CEP76: variants seen among roughly 807,000 people sequenced by gnomAD.
CEP76 encodes the protein centrosomal protein of 76 kDa.
A neutral mutation model predicts 83.3 loss-of-function variants in CEP76; 55 were observed. The ratio of observed to expected loss-of-function variants is 0.66; its 90% CI spans 0.53 to 0.83. The LOEUF is 0.83. Among genes scored for constraint, CEP76 ranks in the 40% least tolerant of loss-of-function variants. The probability of loss-of-function intolerance (pLI) is 0.00; values close to 1 mark genes in which losing one functional copy is unlikely to be tolerated. For synonymous variants in CEP76, 270 were observed against 274.5 expected (o/e 0.98, Z 0.16); for missense variants, 694 against 799.5 (o/e 0.87, Z 1.59).
intron 9 of CEP76, among the ~76,000 whole-genome samples, chr18:12,678,661 A>C (rs1009656158): frequency 2.0e-5 from 3 of 152,120 alleles, no homozygotes; most frequent in Non-Finnish European, 4.4e-5. Context: ...AACAGAATAC[A>C]TTCTATGTAT....
At chr18:12,699,252 G>A in intron 3 of CEP76, 49 bp from the exon 4 acceptor site, 1 of 1,269,138 alleles carries the variant, frequency 7.9e-7, no homozygotes, top group Non-Finnish European at 1.1e-6. Flanking sequence ...TAACTTAAAA[G>A]AATGTGATCA....
At chr18:12,679,071 C>G (rs1008973677) in intron 9 of CEP76, 1 of 152,004 alleles carries the variant, frequency 6.6e-6, no homozygotes, top group Non-Finnish European at 1.5e-5. Context: ...AAAGAGGACT[C>G]GGGAATGAAA....
In CEP76 at chr18:12,699,016, A is replaced by G. The variant is rs2040058176; in HGVS notation, c.483T>C (p.His161=). 1.9e-6 allele frequency: 3 copies of G among 1,613,784 alleles called. No individual in the cohort carries two copies. The highest frequency in any genetic ancestry group is 1.3e-5 in the African/African-American group (1 of 75,048). The change falls in exon 4 of 12, where the codon CAT becomes CAC. Residue 161 remains histidine, a synonymous_variant. Coordinates refer to ENST00000262127, the MANE Select transcript of CEP76 (RefSeq NM_024899.4). The part of the protein sequence containing the change: ...PVPCACEPDF[H]DGFLLEVHRE... ...TGTGTACTTCAAGTAAAAAGCCATC[A>G]TGAAAATCTGGTTCACAGGCACATG... is the stretch of plus-strand genomic sequence containing the variant.
chr18:12,670,237 G>A (rs1445772990), downstream of CEP76, among the ~76,000 whole-genome samples: 1 of 151,872 alleles, frequency 6.6e-6, no homozygotes, highest in Non-Finnish European at 1.5e-5. Context: ...GGCTGAGGCA[G>A]GAGAACTGCT....
chr18:12,670,658 T>A (rs953234431), downstream of CEP76: 6 of 118,098 alleles, frequency 5.1e-5, no homozygotes, highest in African/African-American at 1.3e-4. Flanking sequence ...TGGTTTTTTT[T>A]AACTTTTTTA....
intron 11 of CEP76, 50 bp from the exon 12 acceptor site, chr18:12,673,553 A>C: frequency 7.1e-7 from 1 of 1,402,204 alleles, no homozygotes; most frequent in Non-Finnish European, 9.7e-7. Context: ...CATACACTTT[A>C]ATTCCTTATT....
At chr18:12,685,659 G>A (rs1442103370) in intron 8 of CEP76, 1 of 149,012 alleles carries the variant, frequency 6.7e-6, no homozygotes, top group South Asian at 2.1e-4. Flanking sequence ...TTTGAGACGT[G>A]TCTTGCTCTG....
At chr18:12,701,182 A>T in intron 1 of CEP76, 69 bp from the exon 2 acceptor site, 1 of 1,184,040 alleles carries the variant, frequency 8.4e-7, no homozygotes, top group South Asian at 1.4e-5. Flanking sequence ...TGAAGTTTTA[A>T]GGTTCTCCAG....
downstream of CEP76, among the ~76,000 whole-genome samples, chr18:12,669,933 G>GCGGTGAGCCGAGA (rs2038899284): frequency 1.3e-5 from 2 of 149,454 alleles, no homozygotes; most frequent in African/African-American, 4.9e-5. Flanking sequence ...GGAGGCGGAG[G>GCGGTGAGCCGAGA]TTGCGGTGAG....
intron 9 of CEP76, among the ~76,000 whole-genome samples, chr18:12,680,105 A>G (rs2039293022): frequency 6.6e-6 from 1 of 152,020 alleles, no homozygotes; most frequent in Non-Finnish European, 1.5e-5. Flanking sequence ...ATACAAAACT[A>G]GTAAACATAA....
intron 8 of CEP76, chr18:12,686,044 C>T (rs921771554): frequency 2.6e-5 from 11 of 418,124 alleles, no homozygotes; most frequent in African/African-American, 2.0e-4. Flanking sequence ...AACGTTGTTA[C>T]ACACCATTTT....
chr18:12,674,803 A>T lies in CEP76; in HGVS notation c.1624-50T>A, dbSNP rs1396591086. On this transcript the variant is annotated intron_variant, in intron 10 of 11. Transcript: ENST00000262127. ...AAAAGTGAAATACATTAATATTTTT[A>T]AAACCAACTAAATAAAAATGTTGAT... 3.5e-6 allele frequency: 4 copies of T among 1,147,724 alleles called. No individual in the cohort carries two copies. The Admixed American group carries it at 9.8e-5, about 28-fold the overall frequency. 71.1% of individuals were successfully genotyped at this position (1,147,724 alleles called of 1,614,324 possible).
intron 6 of CEP76, 48 bp from the exon 7 acceptor site, chr18:12,691,535 TTAC>T (rs768544269): frequency 9.3e-6 from 13 of 1,397,556 alleles, no homozygotes; most frequent in African/African-American, 1.4e-5. Flanking sequence ...TTATCTTTAA[TTAC>T]TACAAAATAT....
intron 9 of CEP76, 49 bp from the exon 10 acceptor site, chr18:12,678,491 G>A: frequency 8.0e-7 from 1 of 1,255,008 alleles, no homozygotes; most frequent in East Asian, 2.5e-5. Flanking sequence ...AATTAAAAAG[G>A]CAGCATCTTA....
intron 1 of CEP76, among the ~76,000 whole-genome samples, chr18:12,701,963 C>T (rs556439754): frequency 2.8e-4 from 42 of 152,164 alleles, no homozygotes; most frequent in African/African-American, 9.2e-4. Flanking sequence ...ACCGTCTCTA[C>T]TAAAAATACA....
chr18:12,686,711 C>A (rs1752265326), intron 7 of CEP76: 4 of 291,280 alleles, frequency 1.4e-5, no homozygotes, highest in Non-Finnish European at 1.9e-5. Context: ...CTGTTTTACT[C>A]CAAAGGCTGT....
At chr18:12,694,836 G>A (rs927524221) in intron 6 of CEP76, among the ~76,000 whole-genome samples, 1 of 151,424 alleles carries the variant, frequency 6.6e-6, no homozygotes, top group Admixed American at 6.6e-5. Context: ...TCAGCCTCCC[G>A]GGTAGCTGGT....
At chr18:12,676,520 C>T (rs1476096704) in intron 10 of CEP76, among the ~76,000 whole-genome samples, 2 of 152,022 alleles carry the variant, frequency 1.3e-5, no homozygotes, top group African/African-American at 4.8e-5. Context: ...AGCAATCCAC[C>T]CATCTCAGCC....
chr18:12,673,116 T>TTCTA lies in CEP76; in HGVS notation c.*248_*249insTAGA. On this transcript the variant is annotated 3_prime_UTR_variant, in exon 12 of 12. Coordinates refer to ENST00000262127, the MANE Select transcript of CEP76 (RefSeq NM_024899.4). ...ACTGATAACTGTAAACAAAGTAGCA[T>TTCTA]TTATTAAAATAGAATATACACTTAA... The TTCTA allele has an allele frequency of 9.5e-7, 1 of 1,058,098 alleles. No individual in the cohort carries two copies. Among genetic ancestry groups the TTCTA allele is most frequent in the South Asian group, 3.4e-5 (1 of 29,592 alleles). The allele number at this position is 1,058,098 out of a possible 1,614,324, so 65.5% of individuals were successfully genotyped here.
Sources: allele counts gnomAD v4.1 joint callset (sites outside exome capture counted in the v4.1 genomes callset), GRCh38; gene constraint gnomAD v4.1.1; transcripts MANE v1.5; gene names NCBI Gene and HGNC (gene_info 2026-07-23, HGNC 2026-07-21).